Variants in DRC5 observed in about 807,000 individuals in gnomAD.
DRC5 encodes the protein dynein regulatory complex subunit 5.
At chr6:44,294,772 CAAA>C in the DRC5 span, among the ~76,000 whole-genome samples, 5 of 88,762 alleles carry the variant, frequency 5.6e-5, no homozygotes, top group East Asian at 1.1e-3. Context: ...AACTCTGTCT[CAAA>C]AAAAAAAAAA....
At chr6:44,281,344 C>T in the DRC5 span, among the ~76,000 whole-genome samples, 1 of 152,130 alleles carries the variant, frequency 6.6e-6, no homozygotes, top group Non-Finnish European at 1.5e-5. Context: ...GCATATATCA[C>T]GTCATAAATT....
the DRC5 span, chr6:44,282,123 T>C: frequency 6.2e-7 from 1 of 1,612,810 alleles, no homozygotes; most frequent in Non-Finnish European, 8.5e-7. Context: ...CCCGATGTGG[T>C]TGCAGGACAG....
At chr6:44,288,032 C>T in the DRC5 span, 1 of 535,910 alleles carries the variant, frequency 1.9e-6, no homozygotes, top group Admixed American at 3.7e-5. Flanking sequence ...TGAAGCAGAT[C>T]CAAGTTATCT....
chr6:44,281,423 C>A, the DRC5 span, among the ~76,000 whole-genome samples: 1 of 152,114 alleles, frequency 6.6e-6, no homozygotes, highest in East Asian at 1.9e-4. Flanking sequence ...CTCGCACTGT[C>A]ACCCAGGCTG....
At chr6:44,291,880 G>A in the DRC5 span, among the ~76,000 whole-genome samples, 1 of 152,088 alleles carries the variant, frequency 6.6e-6, no homozygotes. Flanking sequence ...CAGAAACCAG[G>A]GAGTCACCTC....
the DRC5 span, among the ~76,000 whole-genome samples, chr6:44,288,335 G>A: frequency 6.6e-6 from 1 of 152,124 alleles, no homozygotes; most frequent in African/African-American, 2.4e-5. Context: ...TTTCAGATAG[G>A]TGCTTGTATT....
At chr6:44,287,483 C>A in the DRC5 span, 1 of 1,508,758 alleles carries the variant, frequency 6.6e-7, no homozygotes, top group East Asian at 2.3e-5. Context: ...TGGCTCCGGA[C>A]AGTCCCCACC....
the DRC5 span, among the ~76,000 whole-genome samples, chr6:44,286,841 A>T: frequency 6.6e-6 from 1 of 152,260 alleles, no homozygotes; most frequent in African/African-American, 2.4e-5. Flanking sequence ...CCCTGAGGTC[A>T]GAGGCTTCCA....
the DRC5 span, chr6:44,282,015 G>T: frequency 8.4e-7 from 1 of 1,184,346 alleles, no homozygotes; most frequent in Non-Finnish European, 1.2e-6. Context: ...GCAGTATGTA[G>T]TATGTAAACT....
the DRC5 span, chr6:44,282,579 C>T: frequency 6.4e-7 from 1 of 1,554,926 alleles, no homozygotes; most frequent in African/African-American, 1.3e-5. Context: ...GGCAGAGGGT[C>T]TACAGCAACT....
chr6:44,279,799 GAAGATCAAGGA>G, the DRC5 span: 26 of 187,084 alleles, frequency 1.4e-4, no homozygotes, highest in Non-Finnish European at 2.1e-4. Context: ...GTGTGTGTTT[GAAGATCAAGGA>G]TCTGTTTGGT....
the DRC5 span, chr6:44,279,982 C>A: frequency 1.9e-6 from 1 of 525,434 alleles, no homozygotes; most frequent in Non-Finnish European, 3.3e-6. Flanking sequence ...AGGCTGGGTC[C>A]CTACTGCATA....
chr6:44,293,154 A>G, the DRC5 span, among the ~76,000 whole-genome samples: 1 of 152,036 alleles, frequency 6.6e-6, no homozygotes, highest in Non-Finnish European at 1.5e-5. Flanking sequence ...ACAGGACCTG[A>G]TTCACTCCTG....
the DRC5 span, chr6:44,286,352 C>A: frequency 3.1e-6 from 5 of 1,613,994 alleles, no homozygotes; most frequent in Non-Finnish European, 4.2e-6. Flanking sequence ...GAAGAACATG[C>A]GTTTCCAGCT....
At chr6:44,285,583 A>G in the DRC5 span, among the ~76,000 whole-genome samples, 5 of 152,144 alleles carry the variant, frequency 3.3e-5, no homozygotes, top group African/African-American at 9.7e-5. Context: ...CTGTATTTCT[A>G]TTTGCTACAT....
At chr6:44,281,471 G>A in the DRC5 span, among the ~76,000 whole-genome samples, 49 of 152,082 alleles carry the variant, frequency 3.2e-4, no homozygotes, top group Admixed American at 2.3e-3. Flanking sequence ...TGCAATCTCC[G>A]CCTCCTGGGT....
the DRC5 span, among the ~76,000 whole-genome samples, chr6:44,295,838 T>C: frequency 1.3e-5 from 2 of 152,144 alleles, no homozygotes; most frequent in African/African-American, 2.4e-5. Flanking sequence ...AGTTTCTTCA[T>C]CTATAACGTG....
the DRC5 span, chr6:44,279,774 T>TGTGC: frequency 5.5e-6 from 1 of 182,912 alleles, no homozygotes; most frequent in African/African-American, 2.4e-5. Context: ...TGTGTGTGTG[T>TGTGC]GTGTGTGTGT....
chr6:44,285,940 G>A, the DRC5 span: 1 of 1,589,144 alleles, frequency 6.3e-7, no homozygotes, highest in East Asian at 2.2e-5. Context: ...AAGGGGTGGG[G>A]GGAAGGCTGG....
Sources: allele counts gnomAD v4.1 joint callset (sites outside exome capture counted in the v4.1 genomes callset), GRCh38; gene constraint gnomAD v4.1.1; transcripts MANE v1.5; gene names NCBI Gene and HGNC (gene_info 2026-07-23, HGNC 2026-07-21).